The following SEMA4D variants were observed in gnomAD, a reference collection of about 807,000 sequenced individuals.
The protein encoded by SEMA4D is semaphorin 4D.
In SEMA4D, 22 loss-of-function variants were observed where a neutral mutation model predicts 74.8. The ratio of observed to expected loss-of-function variants is 0.29; its 90% CI spans 0.21 to 0.42. SEMA4D has a LOEUF of 0.42. Among genes scored for constraint, SEMA4D ranks in the 10% least tolerant of loss-of-function variants. The pLI, the probability that SEMA4D is intolerant of heterozygous loss-of-function variation, is 1.00. For missense variants in SEMA4D, 937 were observed against 1,118.4 expected, an observed-to-expected ratio of 0.84 and a Z score of 2.31; for synonymous variants, 445 against 463.7, an observed-to-expected ratio of 0.96 and a Z score of 0.52.
chr9:89,488,459 G>A lies in SEMA4D; in HGVS notation c.-310+9460C>T, dbSNP rs985274843. On this transcript the variant is annotated intron_variant, in intron 1 of 15. Transcript: ENST00000422704. ...GCGATCTCAGCTCATTGCAACCTCC[G>A]CCTCCCAGGTTCAAGTGATTCTCCT... Among the ~76,000 whole-genome samples the A allele has an allele frequency of 1.1e-4, 14 of 128,648 alleles. 1 individual carries two copies. The highest frequency in any genetic ancestry group is 3.9e-4 in the Admixed American group (4 of 10,164). The allele number at this position is 128,648 out of a possible 152,430, so 84.4% of individuals were successfully genotyped here.
At position 89,420,742 on chromosome 9, in the gene SEMA4D, G is replaced by C. The variant is rs557873354; in HGVS notation, c.-243-15043C>G. Among the ~76,000 whole-genome samples, 19 of 152,344 alleles carry C rather than the reference G, an allele frequency of 1.2e-4. No individual in the cohort carries two copies. In the South Asian group the frequency reaches 3.9e-3, roughly 32 times the overall value. On this transcript the variant is annotated intron_variant, in intron 2 of 15. Coordinates refer to ENST00000422704, the MANE Select transcript of SEMA4D (RefSeq NM_001371194.2). The stretch of plus-strand genomic sequence containing the variant: ...GGGCTCTGCAATCAGAGGAACCTGG[G>C]TTCCAGTCCTGGCTTCTCCAAGTTG...
chr9:89,366,588 TA>T (rs1443206350), intron 16 of SEMA4D, among the ~76,000 whole-genome samples: 1 of 152,220 alleles, frequency 6.6e-6, no homozygotes, highest in Non-Finnish European at 1.5e-5. Context: ...TGGCCACAGA[TA>T]ATTCCATGTA....
chr9:89,367,499 C>G (rs1833864139), intron 16 of SEMA4D: 1 of 152,252 alleles, frequency 6.6e-6, no homozygotes, highest in Non-Finnish European at 1.5e-5. Flanking sequence ...TGGTCTGATG[C>G]TGTGGGGCTC....
chr9:89,488,096 A>C (rs1825330756), intron 1 of SEMA4D, among the ~76,000 whole-genome samples: 1 of 152,226 alleles, frequency 6.6e-6, no homozygotes, highest in Non-Finnish European at 1.5e-5. Context: ...GTTACTACAG[A>C]GACAGTGTGA....
rs1334412771 is a variant in SEMA4D at position 89,460,172 on chromosome 9, G to A, written c.-309-4219C>T. On this transcript the variant is annotated intron_variant, in intron 1 of 15. Transcript: ENST00000422704. ...AATGCTCATAACCAAACCTTGCTTCGCTTCTGTCCTTCTCCAGGCCCCTTG... is the reference window on the plus strand; with the variant it reads ...AATGCTCATAACCAAACCTTGCTTCACTTCTGTCCTTCTCCAGGCCCCTTG... Among the ~76,000 whole-genome samples, 6 of 152,122 alleles carry A rather than the reference G, an allele frequency of 3.9e-5. No individual in the cohort carries two copies. The South Asian group carries it at 1.0e-3, about 26-fold the overall frequency.
chr9:89,369,249 A>C (rs11507706), intron 16 of SEMA4D: 1 of 152,218 alleles, frequency 6.6e-6, no homozygotes, highest in Non-Finnish European at 1.5e-5. Flanking sequence ...GGCCCTCTCC[A>C]GAGCCCTGGG....
chr9:89,363,272 C>G (rs1833016629), intron 18 of SEMA4D, among the ~76,000 whole-genome samples: 1 of 152,178 alleles, frequency 6.6e-6, no homozygotes, highest in African/African-American at 2.4e-5. Flanking sequence ...GGATTTCCCC[C>G]CCCAGTGTTG....
chr9:89,382,941 C>T (rs1322196026), intron 13 of SEMA4D, among the ~76,000 whole-genome samples: 1 of 152,216 alleles, frequency 6.6e-6, no homozygotes, highest in East Asian at 1.9e-4. Context: ...TCCAGACCAC[C>T]TCCTGCACCC....
chr9:89,487,872 G>A (rs991470219), intron 1 of SEMA4D, among the ~76,000 whole-genome samples: 11 of 152,136 alleles, frequency 7.2e-5, no homozygotes, highest in African/African-American at 2.7e-4. Flanking sequence ...AATAGAGGGA[G>A]ATTCCATGCT....
intron 16 of SEMA4D, among the ~76,000 whole-genome samples, chr9:89,371,844 G>GT (rs1834952141): frequency 1.5e-5 from 1 of 68,638 alleles, no homozygotes; most frequent in African/African-American, 6.7e-5. Context: ...GTGTGTTGGG[G>GT]GTGTGGTGTC....
intron 13 of SEMA4D, chr9:89,384,881 C>A: frequency 1.0e-6 from 1 of 985,402 alleles, no homozygotes; most frequent in Non-Finnish European, 1.2e-6. Context: ...CTTCCACCCC[C>A]ACCTGGAGCC....
chr9:89,440,476 C>T (rs1258765291), intron 2 of SEMA4D, among the ~76,000 whole-genome samples: 2 of 150,518 alleles, frequency 1.3e-5, no homozygotes, highest in African/African-American at 4.9e-5. Context: ...CCCACCCGCA[C>T]CCATCACCCT....
At chr9:89,461,376 G>GA (rs1342558090) in intron 1 of SEMA4D, among the ~76,000 whole-genome samples, 17 of 152,168 alleles carry the variant, frequency 1.1e-4, no homozygotes, top group Non-Finnish European at 1.8e-4. Flanking sequence ...CTGTGAAACT[G>GA]AAAAGCGCCC....
intron 1 of SEMA4D, among the ~76,000 whole-genome samples, chr9:89,460,982 G>C (rs745392626): frequency 1.3e-5 from 2 of 152,168 alleles, no homozygotes; most frequent in Admixed American, 6.5e-5. Context: ...TCCCAGGGCA[G>C]ACAACCCTAT....
At chr9:89,447,649 A>T (rs1334292132) in intron 2 of SEMA4D, among the ~76,000 whole-genome samples, 2 of 152,092 alleles carry the variant, frequency 1.3e-5, no homozygotes, top group African/African-American at 4.8e-5. Flanking sequence ...CTCACAGCCT[A>T]ACCGGGTGCC....
At chr9:89,371,436 G>C (rs1345513080) in intron 16 of SEMA4D, among the ~76,000 whole-genome samples, 4 of 110,234 alleles carry the variant, frequency 3.6e-5, no homozygotes, top group South Asian at 3.7e-4. Flanking sequence ...GGGTGTGTGT[G>C]TGGGGTGTGG....
intron 2 of SEMA4D, among the ~76,000 whole-genome samples, chr9:89,449,289 T>C (rs1853739318): frequency 1.3e-5 from 2 of 152,172 alleles, no homozygotes; most frequent in South Asian, 2.1e-4. Context: ...TTGTTACAAG[T>C]CACTAGCTCC....
intron 2 of SEMA4D, among the ~76,000 whole-genome samples, chr9:89,453,338 T>A (rs1220390660): frequency 6.6e-6 from 1 of 152,364 alleles, no homozygotes; most frequent in South Asian, 2.1e-4. Flanking sequence ...CAACTCCCCA[T>A]AAGCACATGC....
intron 2 of SEMA4D, chr9:89,418,033 G>C: frequency 1.0e-6 from 1 of 954,334 alleles, no homozygotes; most frequent in Non-Finnish European, 1.2e-6. Flanking sequence ...TGAAATTACA[G>C]ATCATGAATA....
Sources: allele counts gnomAD v4.1 joint callset (sites outside exome capture counted in the v4.1 genomes callset), GRCh38; gene constraint gnomAD v4.1.1; transcripts MANE v1.5; gene names NCBI Gene and HGNC (gene_info 2026-07-23, HGNC 2026-07-21).